Variants in SGCZ observed in about 807,000 individuals in gnomAD.
SGCZ encodes the protein sarcoglycan zeta.
A neutral mutation model predicts 41.3 loss-of-function variants in SGCZ; 40 were observed. The observed-to-expected ratio is 0.97, with a 90% CI of 0.75 to 1.26. The LOEUF (loss-of-function observed/expected upper bound fraction) is 1.26. Among genes scored for constraint, SGCZ ranks in the 50% most tolerant of loss-of-function variants. SGCZ has a pLI of 0.00. For missense variants in SGCZ, 552 were observed against 369.8 expected (o/e 1.49, Z -4.04); for synonymous variants, 206 against 137.5 (o/e 1.50, Z -3.49).
At chr8:14,250,085 C>G (rs182463354) in intron 3 of SGCZ, among the ~76,000 whole-genome samples, 1 of 152,134 alleles carries the variant, frequency 6.6e-6, no homozygotes, top group African/African-American at 2.4e-5. Flanking sequence ...GCATTTCAAA[C>G]GAGCTTCCAG....
intron 1 of SGCZ, among the ~76,000 whole-genome samples, chr8:14,980,440 A>T (rs921185836): frequency 2.0e-5 from 3 of 152,192 alleles, no homozygotes; most frequent in Admixed American, 2.0e-4. Flanking sequence ...TGATATAGAA[A>T]TATCTATCTA....
intron 3 of SGCZ, among the ~76,000 whole-genome samples, chr8:14,282,547 A>G (rs1243129843): frequency 6.6e-6 from 1 of 151,874 alleles, no homozygotes; most frequent in Admixed American, 6.6e-5. Flanking sequence ...TGTCTCATTT[A>G]TTTTACCTCG....
intron 1 of SGCZ, among the ~76,000 whole-genome samples, chr8:14,987,185 T>C (rs1042769718): frequency 2.0e-5 from 3 of 151,894 alleles, no homozygotes; most frequent in Non-Finnish European, 4.4e-5. Flanking sequence ...TTTTTGCATA[T>C]TTAAGTATTA....
intron 1 of SGCZ, among the ~76,000 whole-genome samples, chr8:14,859,080 T>C (rs559804806): frequency 2.0e-5 from 3 of 152,260 alleles, no homozygotes; most frequent in Admixed American, 6.5e-5. Context: ...AATAGCAACT[T>C]CAGTCAACAT....
chr8:14,545,154 T>C (rs145236051), intron 2 of SGCZ, among the ~76,000 whole-genome samples: 1,648 of 152,180 alleles, frequency 0.011, 25 homozygotes, highest in African/African-American at 0.037. Context: ...CATTGAAATA[T>C]TGGGGGCATG....
At chr8:14,324,748 T>C (rs1802035255) in intron 2 of SGCZ, among the ~76,000 whole-genome samples, 1 of 152,052 alleles carries the variant, frequency 6.6e-6, no homozygotes, top group African/African-American at 2.4e-5. Flanking sequence ...TTGAGAAGGA[T>C]AAAACAGGTA....
intron 1 of SGCZ, among the ~76,000 whole-genome samples, chr8:14,617,422 T>C (rs1037264117): frequency 3.3e-5 from 5 of 152,224 alleles, no homozygotes; most frequent in East Asian, 1.9e-4. Context: ...TTCATTTATC[T>C]GTACTTTTAT....
chr8:14,212,105 A>G (rs990646549), intron 4 of SGCZ, among the ~76,000 whole-genome samples: 1 of 152,024 alleles, frequency 6.6e-6, no homozygotes, highest in Non-Finnish European at 1.5e-5. Flanking sequence ...CTTGTAGCAG[A>G]CGATTACTGA....
chr8:15,007,671 A>G (rs568932460), intron 1 of SGCZ, among the ~76,000 whole-genome samples: 1 of 152,376 alleles, frequency 6.6e-6, no homozygotes, highest in African/African-American at 2.4e-5. Context: ...ATGGAAAAAG[A>G]ACGCATTTAA....
rs1261529158 is a variant in SGCZ at position 14,601,666 on chromosome 8, A to G, written c.40-46740T>C. On this transcript the variant is annotated intron_variant, in intron 1 of 7. Coordinates refer to ENST00000382080, the MANE Select transcript of SGCZ (RefSeq NM_139167.4). ...ACTGGGATTATCTTTCCTTATTGGT[A>G]GCAGAAAGTTTTTCTTTTCCTCAAT... 1.3e-5 allele frequency among the ~76,000 whole-genome samples: 2 copies of G among 152,320 alleles called. 1 individual carries two copies. Among genetic ancestry groups the G allele is most frequent in the South Asian group, 4.1e-4 (2 of 4,834 alleles).
At chr8:14,151,252 T>C (rs1034441913) in intron 5 of SGCZ, among the ~76,000 whole-genome samples, 6 of 152,098 alleles carry the variant, frequency 3.9e-5, no homozygotes, top group African/African-American at 1.2e-4. Context: ...TTATTTCACA[T>C]TGCATTCTTG....
At chr8:14,407,770 A>G (rs1174047855) in intron 2 of SGCZ, among the ~76,000 whole-genome samples, 3 of 152,096 alleles carry the variant, frequency 2.0e-5, no homozygotes, top group Non-Finnish European at 4.4e-5. Flanking sequence ...ATTTTTTCCT[A>G]TGCATGTATT....
At chr8:15,180,537 A>T (rs1263200692) in intron 1 of SGCZ, among the ~76,000 whole-genome samples, 1 of 151,970 alleles carries the variant, frequency 6.6e-6, no homozygotes, top group Non-Finnish European at 1.5e-5. Flanking sequence ...ATTCTAATCT[A>T]CATATGAAGG....
chr8:14,154,944 C>T (rs760077120), intron 5 of SGCZ, among the ~76,000 whole-genome samples: 200 of 152,284 alleles, frequency 1.3e-3, no homozygotes, highest in Non-Finnish European at 5.4e-4. Context: ...TCTCAGCTGT[C>T]GCCCAGTGGA....
chr8:15,151,656 T>C (rs955524653), intron 1 of SGCZ, among the ~76,000 whole-genome samples: 1 of 152,252 alleles, frequency 6.6e-6, no homozygotes, highest in African/African-American at 2.4e-5. Flanking sequence ...TGGATGTACA[T>C]GTATACACAT....
chr8:15,217,516 G>C (rs1033646359), intron 1 of SGCZ, among the ~76,000 whole-genome samples: 2 of 149,436 alleles, frequency 1.3e-5, no homozygotes, highest in African/African-American at 5.0e-5. Context: ...TAACCAGAAA[G>C]CTGGACCTTT....
intron 1 of SGCZ, among the ~76,000 whole-genome samples, chr8:14,906,753 C>A (rs548891189): frequency 3.3e-5 from 5 of 152,232 alleles, no homozygotes; most frequent in Non-Finnish European, 7.4e-5. Flanking sequence ...CAACTGGAGA[C>A]CAACAATGAG....
At chr8:14,419,796 G>A (rs751394587) in intron 2 of SGCZ, among the ~76,000 whole-genome samples, 1 of 151,936 alleles carries the variant, frequency 6.6e-6, no homozygotes, top group Non-Finnish European at 1.5e-5. Flanking sequence ...TAATTAGTAT[G>A]TGTTGTAATA....
At chr8:15,202,694 G>C (rs913133189) in intron 1 of SGCZ, among the ~76,000 whole-genome samples, 4 of 152,086 alleles carry the variant, frequency 2.6e-5, no homozygotes, top group African/African-American at 9.7e-5. Context: ...TTCTGAAGTA[G>C]CTTCTAAGTC....
Sources: allele counts gnomAD v4.1 joint callset (sites outside exome capture counted in the v4.1 genomes callset), GRCh38; gene constraint gnomAD v4.1.1; transcripts MANE v1.5; gene names NCBI Gene and HGNC (gene_info 2026-07-23, HGNC 2026-07-21).